The following MALRD1 variants were observed in gnomAD, a reference collection of about 807,000 sequenced individuals.
The protein encoded by MALRD1 is MAM and LDL receptor class A domain containing 1, also known as MAM and LDL-receptor class A domain-containing protein 1.
In MALRD1, 247 loss-of-function variants were observed where a neutral mutation model predicts 242.1. That is an observed-to-expected ratio of 1.02 (90% CI 0.92 to 1.13). The LOEUF (loss-of-function observed/expected upper bound fraction) is 1.13. Ranked by LOEUF, MALRD1 falls within the 50% of genes most tolerant of loss-of-function variation. The probability of loss-of-function intolerance (pLI) is 0.00; values close to 1 mark genes in which losing one functional copy is unlikely to be tolerated. For synonymous variants in MALRD1, 995 were observed against 866.6 expected, an observed-to-expected ratio of 1.15 and a Z score of -2.60; for missense variants, 2,989 against 2,533.1, an observed-to-expected ratio of 1.18 and a Z score of -3.86.
At chr10:19,221,639 G>A (rs1837558672) in intron 18 of MALRD1, among the ~76,000 whole-genome samples, 3 of 152,138 alleles carry the variant, frequency 2.0e-5, no homozygotes, top group African/African-American at 7.2e-5. Context: ...TCATTAAAGA[G>A]TGTATGGGCA....
At chr10:19,135,807 T>A (rs1289495960) in intron 9 of MALRD1, among the ~76,000 whole-genome samples, 1 of 152,238 alleles carries the variant, frequency 6.6e-6, no homozygotes, top group Non-Finnish European at 1.5e-5. Context: ...TCTGCACTTT[T>A]GGTGTTAAGT....
intron 28 of MALRD1, among the ~76,000 whole-genome samples, chr10:19,431,319 TC>T (rs1834118817): frequency 1.3e-5 from 2 of 151,910 alleles, no homozygotes; most frequent in African/African-American, 4.8e-5. Flanking sequence ...TTCTTTTTTT[TC>T]AGTATATCTT....
At chr10:19,158,509 A>G (rs1235971829) in intron 12 of MALRD1, among the ~76,000 whole-genome samples, 2 of 152,228 alleles carry the variant, frequency 1.3e-5, no homozygotes, top group Non-Finnish European at 2.9e-5. Context: ...GCCAATGCAG[A>G]GAGGGCCACA....
intron 39 of MALRD1, among the ~76,000 whole-genome samples, chr10:19,733,117 A>C (rs1007146137): frequency 6.6e-6 from 1 of 152,136 alleles, no homozygotes; most frequent in African/African-American, 2.4e-5. Context: ...CTTTCAAACT[A>C]TGTTTTAAAT....
intron 27 of MALRD1, among the ~76,000 whole-genome samples, chr10:19,388,605 G>C (rs1008543735): frequency 6.6e-5 from 10 of 152,154 alleles, no homozygotes; most frequent in Non-Finnish European, 1.3e-4. Context: ...AGAGAAAAGA[G>C]TTTGAAACCT....
At chr10:19,647,203 G>A (rs920807146) in intron 36 of MALRD1, among the ~76,000 whole-genome samples, 35 of 152,156 alleles carry the variant, frequency 2.3e-4, no homozygotes, top group African/African-American at 7.2e-4. Flanking sequence ...AAAAAGTCAC[G>A]CAAATTTGCA....
At chr10:19,401,543 AT>A (rs1218975381) in intron 28 of MALRD1, among the ~76,000 whole-genome samples, 1 of 152,146 alleles carries the variant, frequency 6.6e-6, no homozygotes, top group African/African-American at 2.4e-5. Context: ...TTAACTTTTA[AT>A]TTTTTCTTGA....
chr10:19,250,128 A>G (rs1246365402), intron 18 of MALRD1, among the ~76,000 whole-genome samples: 1 of 152,008 alleles, frequency 6.6e-6, no homozygotes. Context: ...TTTTAAAACT[A>G]TGCTTCCTAA....
At chr10:19,515,552 TTA>T (rs1016105292) in intron 31 of MALRD1, among the ~76,000 whole-genome samples, 3 of 151,664 alleles carry the variant, frequency 2.0e-5, no homozygotes, top group African/African-American at 7.3e-5. Flanking sequence ...TCTCTTTTTT[TTA>T]ATTTTTATTT....
chr10:19,531,301 G>C lies in MALRD1; in HGVS notation c.5428G>C (p.Val1810Leu). 6.5e-7 allele frequency: 1 copy of C among 1,549,938 alleles called. No homozygotes were observed. ...SFPASLGMCTVRFWFYMIDPR... is the reference protein window; with the variant it reads ...SFPASLGMCTLRFWFYMIDPR... ...CCCAGCAAGCCTTGGAATGTGTACT[G>C]TTCGGTTCTGGTTCTACATGATTGA... Residue 1810 changes from valine to leucine, a missense_variant, in exon 32 of 40, where the codon GTT becomes CTT. Val to Leu is a conservative substitution (Grantham distance 32). Transcript: ENST00000454679.
At chr10:19,450,214 T>C in intron 28 of MALRD1, 93 bp from the exon 29 acceptor site, 1 of 1,074,224 alleles carries the variant, frequency 9.3e-7, no homozygotes, top group South Asian at 1.8e-5. Context: ...ATTGGTCAAA[T>C]GCTTCTGAGA....
At chr10:19,109,087 G>A (rs1836580757) in intron 5 of MALRD1, among the ~76,000 whole-genome samples, 1 of 152,204 alleles carries the variant, frequency 6.6e-6, no homozygotes, top group Non-Finnish European at 1.5e-5. Context: ...TTTGGGCACA[G>A]TAGTGTAGTC....
At chr10:19,449,137 A>C (rs911114044) in intron 28 of MALRD1, among the ~76,000 whole-genome samples, 1 of 152,134 alleles carries the variant, frequency 6.6e-6, no homozygotes, top group Non-Finnish European at 1.5e-5. Context: ...GGAAAGGTAG[A>C]TTTTACTGAG....
intron 28 of MALRD1, among the ~76,000 whole-genome samples, chr10:19,403,468 A>G (rs1330786722): frequency 6.6e-6 from 1 of 152,128 alleles, no homozygotes; most frequent in Non-Finnish European, 1.5e-5. Context: ...ATCATTGAGC[A>G]TTGCTTTGCC....
intron 21 of MALRD1, among the ~76,000 whole-genome samples, chr10:19,291,981 G>A (rs1841452111): frequency 6.6e-6 from 1 of 150,490 alleles, no homozygotes; most frequent in Non-Finnish European, 1.5e-5. Flanking sequence ...AGTTACTCAG[G>A]AGGCTGAGTC....
At chr10:19,552,400 G>T (rs1360983701) in intron 32 of MALRD1, among the ~76,000 whole-genome samples, 1 of 152,098 alleles carries the variant, frequency 6.6e-6, no homozygotes, top group African/African-American at 2.4e-5. Context: ...TTGTATTTCT[G>T]TGGAGTCAGT....
At chr10:19,444,907 A>C (rs932367203) in intron 28 of MALRD1, among the ~76,000 whole-genome samples, 19 of 152,324 alleles carry the variant, frequency 1.2e-4, no homozygotes, top group African/African-American at 4.3e-4. Flanking sequence ...GTATTTTCCA[A>C]CTTGGTTCCA....
intron 29 of MALRD1, chr10:19,488,883 G>T (rs558028754): frequency 2.8e-6 from 1 of 354,712 alleles, no homozygotes. Context: ...TTTTTGTTAA[G>T]AATACTTTGC....
At position 19,101,867 on chromosome 10, in the gene MALRD1, G is replaced by T. The variant is rs1038110551; in HGVS notation, c.598-2112G>T. 2.5e-4 allele frequency among the ~76,000 whole-genome samples: 34 copies of T among 134,910 alleles called. 1 individual carries two copies. Among genetic ancestry groups the T allele is most frequent in the South Asian group, 1.4e-3 (6 of 4,290 alleles). 88.5% of individuals were successfully genotyped at this position (134,910 alleles called of 152,430 possible). ...TTGGAGATATATCTATAACGTATTT[G>T]TATATATTACAAATTTATTAATATA... On this transcript the variant is annotated intron_variant, in intron 4 of 39. Transcript: ENST00000454679.
Sources: allele counts gnomAD v4.1 joint callset (sites outside exome capture counted in the v4.1 genomes callset), GRCh38; gene constraint gnomAD v4.1.1; transcripts MANE v1.5; gene names NCBI Gene and HGNC (gene_info 2026-07-23, HGNC 2026-07-21).